Variants in KSR2 observed in about 807,000 individuals in gnomAD.
The protein encoded by KSR2 is kinase suppressor of ras 2.
KSR2 carries 25 observed loss-of-function variants against 107.8 expected under a neutral mutation model. The observed-to-expected ratio is 0.23, with a 90% CI of 0.17 to 0.32. The LOEUF is 0.32. Ranked by LOEUF, KSR2 falls within the 10% of genes least tolerant of loss-of-function variation. The pLI is 1.00. For missense variants in KSR2, 887 were observed against 1,268.9 expected, an observed-to-expected ratio of 0.70 and a Z score of 4.57; for synonymous variants, 480 against 507.0, an observed-to-expected ratio of 0.95 and a Z score of 0.71.
At position 117,907,593 on chromosome 12, in the gene KSR2, G is replaced by C. The variant is rs1894896298; in HGVS notation, c.181-47162C>G. 6.6e-6 allele frequency among the ~76,000 whole-genome samples: 1 copy of C among 152,178 alleles called. No individual in the cohort carries two copies. The highest frequency in any genetic ancestry group is 2.4e-5 in the African/African-American group (1 of 41,440). ...ATTAAGAGAGCACAGAACACAGAGA[G>C]AGAGAATATCAGAAAATGTGAATGG... is the stretch of plus-strand genomic sequence containing the variant. On this transcript the variant is annotated intron_variant, in intron 1 of 19. Coordinates refer to ENST00000339824, the MANE Select transcript of KSR2 (RefSeq NM_173598.6). This position sits in a 1 kb window ranked among gnomAD's most constrained non-coding sequence, Gnocchi z 4.3.
At chr12:117,655,712 C>T (rs1767182423) in intron 5 of KSR2, among the ~76,000 whole-genome samples, 1 of 152,188 alleles carries the variant, frequency 6.6e-6, no homozygotes, top group African/African-American at 2.4e-5. Flanking sequence ...AAAATTACCA[C>T]CTGGACACTT....
At chr12:117,587,828 C>T (rs1880093393) in intron 5 of KSR2, among the ~76,000 whole-genome samples, 1 of 152,166 alleles carries the variant, frequency 6.6e-6, no homozygotes, top group South Asian at 2.1e-4. Flanking sequence ...ATGGAAGCAG[C>T]AGGACGCTGT....
intron 5 of KSR2, among the ~76,000 whole-genome samples, chr12:117,648,963 T>C (rs1883773682): frequency 6.6e-6 from 1 of 152,188 alleles, no homozygotes; most frequent in South Asian, 2.1e-4. Context: ...GCTGAATGTC[T>C]ACGCTGCCTG....
At chr12:117,930,050 A>T (rs532443059) in intron 1 of KSR2, among the ~76,000 whole-genome samples, 4,046 of 148,612 alleles carry the variant, frequency 0.027, 65 homozygotes, top group Middle Eastern at 0.056. Flanking sequence ...TTTAAAAAAA[A>T]TTTTTTTTTT....
chr12:117,946,851 A>G (rs965364353), intron 1 of KSR2, among the ~76,000 whole-genome samples: 1 of 152,126 alleles, frequency 6.6e-6, no homozygotes, highest in African/African-American at 2.4e-5. Flanking sequence ...TAAAGAAGGT[A>G]AATCATATTA....
At chr12:117,497,019 AGGTG>A (rs1873071200) in intron 14 of KSR2, among the ~76,000 whole-genome samples, 22 of 151,788 alleles carry the variant, frequency 1.4e-4, no homozygotes, top group Middle Eastern at 3.4e-3. Flanking sequence ...ATGGTGGTAC[AGGTG>A]TGTACCACCA....
chr12:117,812,076 A>C (rs1891208429), intron 3 of KSR2, among the ~76,000 whole-genome samples: 1 of 152,204 alleles, frequency 6.6e-6, no homozygotes, highest in South Asian at 2.1e-4. Context: ...TCCCAATGTG[A>C]GAAGATTCTT....
intron 1 of KSR2, among the ~76,000 whole-genome samples, chr12:117,946,260 A>C (rs985444268): frequency 5.3e-5 from 8 of 152,174 alleles, no homozygotes; most frequent in Admixed American, 2.6e-4. Context: ...GAAATTGAAG[A>C]CAGAAAAACA....
intron 1 of KSR2, among the ~76,000 whole-genome samples, chr12:117,959,608 C>G (rs139019934): frequency 2.2e-4 from 34 of 152,154 alleles, no homozygotes; most frequent in African/African-American, 7.9e-4. Context: ...AATATAACCC[C>G]TGGTTCAAAG....
rs1870822270 is a variant in KSR2 at position 117,460,154 on chromosome 12, T to C, written c.*7045A>G. 1 of 152,226 alleles carries C rather than the reference T, an allele frequency of 6.6e-6. No homozygotes were observed. The highest frequency in any genetic ancestry group is 1.5e-5 in the Non-Finnish European group (1 of 68,032). The allele number at this position is 152,226 out of a possible 1,614,324, so 9.4% of individuals were successfully genotyped here. A position where few individuals can be genotyped will look rare whatever the true frequency, so the allele number is the denominator to read the frequency against. ...CATGGAATGAAAGGTCTATGGGACA[T>C]GCTTGGGAAACAAGGTCTTATTTAG... On this transcript the variant is annotated 3_prime_UTR_variant, in exon 20 of 20. Transcript: ENST00000339824.
In KSR2 at chr12:117,803,123, G is replaced by A. The variant is rs74568797; in HGVS notation, c.473-41599C>T. ...TTTCTCTCTCCTACCAGGGATTGCC[G>A]AAACAATGTACAGAGTTAAGTAATA... On this transcript the variant is annotated intron_variant, in intron 3 of 19. Coordinates refer to ENST00000339824, the MANE Select transcript of KSR2 (RefSeq NM_173598.6). Among the ~76,000 whole-genome samples the A allele has an allele frequency of 8.4e-3, 1,277 of 152,210 alleles. 25 individuals carry two copies. Among genetic ancestry groups the A allele is most frequent in the African/African-American group, 0.03 (1,232 of 41,510 alleles).
At chr12:117,718,491 C>T (rs879131505) in intron 4 of KSR2, among the ~76,000 whole-genome samples, 5 of 152,174 alleles carry the variant, frequency 3.3e-5, no homozygotes, top group South Asian at 2.1e-4. Context: ...TGTGGGAATG[C>T]CACCCAGGAA....
At chr12:117,510,529 G>A (rs1375327940) in intron 14 of KSR2, among the ~76,000 whole-genome samples, 2 of 152,210 alleles carry the variant, frequency 1.3e-5, no homozygotes, top group African/African-American at 2.4e-5. Context: ...GGACAAGAGT[G>A]TTGTATTTAC....
rs1198241397 is a variant in KSR2 at position 117,687,136 on chromosome 12, G to A, written c.987-19478C>T. On this transcript the variant is annotated intron_variant, in intron 4 of 19. Coordinates refer to ENST00000339824, the MANE Select transcript of KSR2 (RefSeq NM_173598.6). ...TCCCTCTTTTCCAAGCTTCCAGCAC[G>A]ACCTTGGGCAGGTCAGAATCTGTGT... Among the ~76,000 whole-genome samples the A allele has an allele frequency of 3.9e-5, 6 of 152,186 alleles. No individual in the cohort carries two copies. The South Asian group carries it at 8.3e-4, about 21-fold the overall frequency.
At chr12:117,628,704 C>T (rs899972825) in intron 5 of KSR2, among the ~76,000 whole-genome samples, 58 of 152,340 alleles carry the variant, frequency 3.8e-4, no homozygotes, top group African/African-American at 1.3e-3. Flanking sequence ...AGAGCTCAAA[C>T]GCCATGCTGG....
intron 7 of KSR2, among the ~76,000 whole-genome samples, chr12:117,562,281 C>A (rs558057817): frequency 1.3e-5 from 2 of 152,134 alleles, no homozygotes; most frequent in East Asian, 3.9e-4. Context: ...GGGGTGGGGA[C>A]CCCAAAAGCT....
intron 3 of KSR2, among the ~76,000 whole-genome samples, chr12:117,852,265 T>C (rs1459550504): frequency 8.0e-6 from 1 of 124,980 alleles, no homozygotes; most frequent in Non-Finnish European, 1.8e-5. Flanking sequence ...TCTACTAAAA[T>C]ACAAAAAAAA....
At chr12:117,863,458 A>G (rs1025465438) in intron 1 of KSR2, among the ~76,000 whole-genome samples, 2 of 152,040 alleles carry the variant, frequency 1.3e-5, no homozygotes, top group South Asian at 4.1e-4. Context: ...GAGAAACCAG[A>G]TCTCCCTGGA....
chr12:117,835,059 T>A (rs1277826510), intron 3 of KSR2, among the ~76,000 whole-genome samples: 4 of 152,066 alleles, frequency 2.6e-5, no homozygotes, highest in Non-Finnish European at 4.4e-5. Context: ...AAAAAGGGGC[T>A]TATGGGCCAT....
Sources: allele counts gnomAD v4.1 joint callset (sites outside exome capture counted in the v4.1 genomes callset), GRCh38; gene constraint gnomAD v4.1.1; non-coding constraint Gnocchi (gnomAD v3.1); transcripts MANE v1.5; gene names NCBI Gene and HGNC (gene_info 2026-07-23, HGNC 2026-07-21).